Variants in PTPRG observed in about 807,000 individuals in gnomAD.
The protein encoded by PTPRG is receptor-type tyrosine-protein phosphatase gamma.
PTPRG carries 102 observed loss-of-function variants against 165.3 expected under a neutral mutation model. The observed-to-expected ratio is 0.62, with a 90% CI of 0.53 to 0.73. PTPRG has a LOEUF of 0.73. PTPRG is among the 30% of genes least tolerant of loss of function. The pLI, the probability that PTPRG is intolerant of heterozygous loss-of-function variation, is 0.00. For missense variants in PTPRG, 1,866 were observed against 1,861.4 expected, an observed-to-expected ratio of 1.00 and a Z score of -0.05; for synonymous variants, 675 against 669.5, an observed-to-expected ratio of 1.01 and a Z score of -0.13.
intron 2 of PTPRG, among the ~76,000 whole-genome samples, chr3:61,857,360 A>C (rs1043367519): frequency 6.6e-6 from 1 of 152,198 alleles, no homozygotes; most frequent in Non-Finnish European, 1.5e-5. Flanking sequence ...TCCCACAGCA[A>C]CATTCAACAA....
At chr3:62,290,433 G>C (rs1296920456) in intron 28 of PTPRG, among the ~76,000 whole-genome samples, 1 of 152,066 alleles carries the variant, frequency 6.6e-6, no homozygotes, top group East Asian at 1.9e-4. Flanking sequence ...CAGTGTACCA[G>C]TAAAAAATGA....
intron 1 of PTPRG, among the ~76,000 whole-genome samples, chr3:61,636,759 C>G (rs947229086): frequency 6.6e-6 from 1 of 152,170 alleles, no homozygotes; most frequent in Non-Finnish European, 1.5e-5. Flanking sequence ...TAGTGCTGAT[C>G]TAAACATTTG....
chr3:62,111,605 A>T (rs1207465080), intron 5 of PTPRG, among the ~76,000 whole-genome samples: 1 of 152,006 alleles, frequency 6.6e-6, no homozygotes, highest in Non-Finnish European at 1.5e-5. Flanking sequence ...ACGCATCACC[A>T]AGCCTGGCTA....
rs761849753 is a variant in PTPRG, at chr3:62,003,470, C to T, written c.492C>T (p.Ser164=). The T allele has an allele frequency of 3.7e-6, 6 of 1,613,990 alleles. No individual in the cohort carries two copies. The highest frequency in any genetic ancestry group is 5.1e-6 in the Non-Finnish European group (6 of 1,179,930). The change falls in exon 4 of 30, where the codon AGC becomes AGT. Residue 164 remains serine (S), a synonymous_variant. Coordinates refer to ENST00000474889, the MANE Select transcript of PTPRG (RefSeq NM_002841.4). The stretch of plus-strand genomic sequence containing the variant: ...ATGGCTCAGCGGGCTCTGAACACAG[C>T]ATCAATGGCAGGAGGTTTCCTGTTG... The part of the protein sequence containing the change: ...HSNGSAGSEH[S]INGRRFPVEM...
At chr3:62,036,939 A>G (rs988512795) in intron 4 of PTPRG, among the ~76,000 whole-genome samples, 5 of 151,614 alleles carry the variant, frequency 3.3e-5, no homozygotes, top group African/African-American at 1.2e-4. Flanking sequence ...CTCGTTTGCC[A>G]CCACTTCCCT....
At chr3:61,813,561 G>GTGTGTGTC (rs2035659277) in intron 2 of PTPRG, among the ~76,000 whole-genome samples, 1 of 145,946 alleles carries the variant, frequency 6.9e-6, no homozygotes, top group African/African-American at 2.6e-5. Flanking sequence ...GTGTGTGTGT[G>GTGTGTGTC]TGTGTGTGTG....
intron 1 of PTPRG, among the ~76,000 whole-genome samples, chr3:61,582,004 A>ATC (rs1422262476): frequency 1.3e-5 from 2 of 150,576 alleles, no homozygotes; most frequent in Non-Finnish European, 3.0e-5. Flanking sequence ...GTCTTGCTCT[A>ATC]ACACCCAGGC....
intron 4 of PTPRG, among the ~76,000 whole-genome samples, chr3:62,005,000 G>T (rs1051220032): frequency 6.6e-6 from 1 of 152,146 alleles, no homozygotes. Flanking sequence ...TGGAAGCTCT[G>T]TTGAAGAATC....
intron 16 of PTPRG, among the ~76,000 whole-genome samples, chr3:62,256,888 TAAC>T (rs1274614475): frequency 6.6e-6 from 1 of 152,178 alleles, no homozygotes; most frequent in Non-Finnish European, 1.5e-5. Flanking sequence ...TCATGCTTCT[TAAC>T]AAATCCTGGG....
chr3:61,933,084 C>A (rs1323353405), intron 2 of PTPRG, among the ~76,000 whole-genome samples: 2 of 152,050 alleles, frequency 1.3e-5, no homozygotes, highest in Non-Finnish European at 2.9e-5. Flanking sequence ...GATTGGGGTC[C>A]CCAAAGCAAA....
intron 1 of PTPRG, among the ~76,000 whole-genome samples, chr3:61,647,873 T>C (rs1389412426): frequency 6.6e-6 from 1 of 151,930 alleles, no homozygotes; most frequent in East Asian, 1.9e-4. Flanking sequence ...CACTGAATGT[T>C]TGGTGCCCTT....
chr3:61,666,307 A>G (rs1197364277), intron 1 of PTPRG, among the ~76,000 whole-genome samples: 1 of 152,216 alleles, frequency 6.6e-6, no homozygotes, highest in Non-Finnish European at 1.5e-5. Context: ...CTTGACAGAG[A>G]TGGGAACTCT....
intron 2 of PTPRG, among the ~76,000 whole-genome samples, chr3:61,807,967 T>C (rs907588212): frequency 7.2e-5 from 11 of 152,202 alleles, no homozygotes; most frequent in Non-Finnish European, 5.9e-5. Context: ...CCAGTACTTG[T>C]GGTGCTTCTG....
chr3:61,675,201 T>C (rs2107091246), intron 1 of PTPRG, among the ~76,000 whole-genome samples: 1 of 152,318 alleles, frequency 6.6e-6, no homozygotes, highest in South Asian at 2.1e-4. Context: ...CATATATCTC[T>C]AATTTTTTCC....
chr3:61,671,224 G>A (rs1483825089), intron 1 of PTPRG, among the ~76,000 whole-genome samples: 1 of 150,250 alleles, frequency 6.7e-6, no homozygotes, highest in Non-Finnish European at 1.5e-5. Context: ...ATAGTGGAGG[G>A]AAGGTCAGCA....
At chr3:61,587,999 A>C (rs953095735) in intron 1 of PTPRG, among the ~76,000 whole-genome samples, 1 of 151,840 alleles carries the variant, frequency 6.6e-6, no homozygotes, top group African/African-American at 2.4e-5. Context: ...CCAGGATCCA[A>C]ATCCATGATC....
chr3:61,845,292 G>A (rs146958265), intron 2 of PTPRG, among the ~76,000 whole-genome samples: 166 of 152,328 alleles, frequency 1.1e-3, no homozygotes, highest in African/African-American at 3.7e-3. Context: ...AGAGCAGCTT[G>A]TGGTTACCGT....
chr3:61,945,757 C>T (rs1016380344), intron 2 of PTPRG, among the ~76,000 whole-genome samples: 17 of 152,076 alleles, frequency 1.1e-4, no homozygotes, highest in African/African-American at 3.9e-4. Flanking sequence ...ACAATGGCTA[C>T]CATTTAGAGA....
chr3:61,983,915 T>C (rs1430931682), intron 2 of PTPRG, among the ~76,000 whole-genome samples: 1 of 152,160 alleles, frequency 6.6e-6, no homozygotes, highest in Admixed American at 6.5e-5. Flanking sequence ...TTTGTTTGAA[T>C]AGAATTAACT....
Sources: gnomAD v4.1 joint callset for allele counts (sites outside exome capture counted in the v4.1 genomes callset) on GRCh38, gnomAD v4.1.1 for gene constraint, MANE v1.5 for transcripts, NCBI Gene and HGNC (gene_info 2026-07-23, HGNC 2026-07-21) for gene names.